The following NR5A2 variants were observed in gnomAD, a reference collection of about 807,000 sequenced individuals.
NR5A2 encodes the protein nuclear receptor subfamily 5 group A member 2.
In NR5A2, 26 loss-of-function variants were observed where a neutral mutation model predicts 62.7. The observed-to-expected ratio is 0.41, with a 90% CI of 0.30 to 0.58. NR5A2 has a LOEUF of 0.58. Ranked by LOEUF, NR5A2 falls within the 20% of genes least tolerant of loss-of-function variation. The pLI, the probability that NR5A2 is intolerant of heterozygous loss-of-function variation, is 0.22. For missense variants in NR5A2, 541 were observed against 669.1 expected (o/e 0.81, Z 2.11); for synonymous variants, 246 against 241.7 (o/e 1.02, Z -0.16).
intron 7 of NR5A2, among the ~76,000 whole-genome samples, chr1:200,166,276 GTACAA>G: frequency 6.6e-6 from 1 of 152,194 alleles, no homozygotes; most frequent in African/African-American, 2.4e-5. Flanking sequence ...CTTGGCACCT[GTACAA>G]TACAATTGGA....
chr1:200,070,743 C>T (rs1174968619), intron 5 of NR5A2, among the ~76,000 whole-genome samples: 4 of 142,966 alleles, frequency 2.8e-5, no homozygotes, highest in Non-Finnish European at 4.6e-5. Flanking sequence ...TCTGTTCCAA[C>T]CCCCCAGCCC....
intron 5 of NR5A2, among the ~76,000 whole-genome samples, chr1:200,058,839 G>C (rs1180644501): frequency 6.7e-6 from 1 of 150,098 alleles, no homozygotes; most frequent in Non-Finnish European, 1.5e-5. Context: ...GACAGGTGCG[G>C]TGGCTCATGC....
intron 5 of NR5A2, among the ~76,000 whole-genome samples, chr1:200,089,533 C>A (rs1268780308): frequency 6.6e-6 from 1 of 152,186 alleles, no homozygotes; most frequent in Admixed American, 6.5e-5. Context: ...TGCAGTGGCA[C>A]CACCTCGGCT....
intron 1 of NR5A2, among the ~76,000 whole-genome samples, chr1:200,035,538 A>G (rs569349640): frequency 1.1e-4 from 17 of 152,138 alleles, no homozygotes; most frequent in Middle Eastern, 3.4e-3. Flanking sequence ...GAACCACGGG[A>G]AGGAGGGGGT....
In NR5A2 at chr1:200,177,182, C is replaced by G. The variant is rs1198603416; in HGVS notation, c.*2972C>G. ...CTTAACTTGGTTTATTATAGTTGCT[C>G]TATGTTTGTAAACAGACAATCTCTA... On this transcript the variant is annotated 3_prime_UTR_variant, in exon 8 of 8. Coordinates refer to ENST00000367362, the MANE Select transcript of NR5A2 (RefSeq NM_205860.3). The G allele has an allele frequency of 6.6e-6, 1 of 152,576 alleles. No homozygotes were observed. The highest frequency in any genetic ancestry group is 1.5e-5 in the Non-Finnish European group (1 of 68,026). The allele number at this position is 152,576 out of a possible 1,614,324, so 9.5% of individuals were successfully genotyped here.
intron 1 of NR5A2, chr1:200,029,068 G>A (rs950494579): frequency 4.5e-6 from 2 of 448,250 alleles, no homozygotes; most frequent in Admixed American, 2.4e-5. Flanking sequence ...AAAGATGAGA[G>A]AGCAGCACAC....
chr1:200,091,325 G>A (rs1214630863), intron 5 of NR5A2, among the ~76,000 whole-genome samples: 2 of 151,938 alleles, frequency 1.3e-5, no homozygotes, highest in African/African-American at 2.4e-5. Flanking sequence ...GGAGTGGGGA[G>A]GGTCAATATT....
At chr1:200,092,782 C>G (rs920920998) in intron 5 of NR5A2, among the ~76,000 whole-genome samples, 3 of 150,134 alleles carry the variant, frequency 2.0e-5, no homozygotes, top group Non-Finnish European at 3.0e-5. Flanking sequence ...TTTTATGAAT[C>G]ATGTGTGCTC....
Position 200,027,899 on chromosome 1 carries a change from C to G in NR5A2, c.52C>G (p.Leu18Val). 6.3e-7 allele frequency: 1 copy of G among 1,594,356 alleles called. No homozygotes were observed. Among genetic ancestry groups the G allele is most frequent in the South Asian group, 1.2e-5 (1 of 86,552 alleles). The stretch of plus-strand genomic sequence containing the variant: ...TTTACAAGAGTCTTTAAAGCACGGA[C>G]TTACACCTATTGGTAAGTAGGAGTT... ...GDLQESLKHG[L>V]TPIGAGLPDR... Residue 18 changes from leucine (L) to valine (V), a missense_variant, in exon 1 of 8, where the codon CTT becomes GTT. Coordinates refer to ENST00000367362, the MANE Select transcript of NR5A2 (RefSeq NM_205860.3).
chr1:200,030,151 G>A (rs1661499963), intron 1 of NR5A2, among the ~76,000 whole-genome samples: 1 of 152,200 alleles, frequency 6.6e-6, no homozygotes, highest in African/African-American at 2.4e-5. Flanking sequence ...CTCGAGGGTA[G>A]CTTTCAGATG....
chr1:200,103,688 G>A (rs933146602), intron 5 of NR5A2, among the ~76,000 whole-genome samples: 3 of 152,220 alleles, frequency 2.0e-5, no homozygotes, highest in Non-Finnish European at 4.4e-5. Flanking sequence ...GCAGTCTGAG[G>A]CAACTGCCCT....
At chr1:200,133,910 T>G (rs971011035) in intron 7 of NR5A2, among the ~76,000 whole-genome samples, 1 of 152,040 alleles carries the variant, frequency 6.6e-6, no homozygotes, top group Non-Finnish European at 1.5e-5. Flanking sequence ...GATATGGAGG[T>G]GGAAGACAGT....
At chr1:200,051,765 G>T (rs1163248951) in intron 5 of NR5A2, among the ~76,000 whole-genome samples, 2 of 152,068 alleles carry the variant, frequency 1.3e-5, no homozygotes, top group Non-Finnish European at 2.9e-5. Context: ...TTTTCCTTTC[G>T]TTTATAAATT....
intron 5 of NR5A2, among the ~76,000 whole-genome samples, chr1:200,102,636 T>C (rs1571479178): frequency 6.6e-6 from 1 of 152,182 alleles, no homozygotes; most frequent in Non-Finnish European, 1.5e-5. Flanking sequence ...TTACTTCCAA[T>C]TTTACTTCCC....
chr1:200,073,149 C>T (rs995582546), intron 5 of NR5A2, among the ~76,000 whole-genome samples: 6 of 150,964 alleles, frequency 4.0e-5, no homozygotes, highest in African/African-American at 1.2e-4. Context: ...ACTAGTGCAT[C>T]GTGAACAGCC....
At chr1:200,122,151 A>G (rs1032095303) in intron 7 of NR5A2, among the ~76,000 whole-genome samples, 4 of 152,238 alleles carry the variant, frequency 2.6e-5, no homozygotes, top group Non-Finnish European at 5.9e-5. Flanking sequence ...CAATGCCAAG[A>G]CTGGATCCTG....
At chr1:200,069,261 CT>C (rs71132652) in intron 5 of NR5A2, among the ~76,000 whole-genome samples, 269 of 149,118 alleles carry the variant, frequency 1.8e-3, no homozygotes, top group African/African-American at 5.9e-3. Flanking sequence ...AATTCATATT[CT>C]TTTTTTTTTT....
chr1:200,158,417 T>G (rs1483994356), intron 7 of NR5A2, among the ~76,000 whole-genome samples: 1 of 152,204 alleles, frequency 6.6e-6, no homozygotes, highest in African/African-American at 2.4e-5. Context: ...TCTCAGAGAT[T>G]ACAATTCACA....
intron 7 of NR5A2, among the ~76,000 whole-genome samples, chr1:200,134,850 A>C (rs983240191): frequency 6.6e-6 from 1 of 152,206 alleles, no homozygotes; most frequent in Non-Finnish European, 1.5e-5. Flanking sequence ...AGTGGCATTA[A>C]GTCCACACAC....
Sources: gnomAD v4.1 joint callset for allele counts (sites outside exome capture counted in the v4.1 genomes callset) on GRCh38, gnomAD v4.1.1 for gene constraint, MANE v1.5 for transcripts, NCBI Gene and HGNC (gene_info 2026-07-23, HGNC 2026-07-21) for gene names.